The following PRKCE variants were observed in gnomAD, a reference collection of about 807,000 sequenced individuals.
PRKCE encodes protein kinase C epsilon.
PRKCE carries 16 observed loss-of-function variants against 85.4 expected under a neutral mutation model. That is an observed-to-expected ratio of 0.19 (90% CI 0.13 to 0.28). The LOEUF (loss-of-function observed/expected upper bound fraction) is 0.28, where lower values mean the gene tolerates loss of function less well. PRKCE is among the 10% of genes least tolerant of loss of function. The pLI is 1.00. For synonymous variants in PRKCE, 388 were observed against 371.5 expected (o/e 1.04, Z -0.51); for missense variants, 573 against 975.2 (o/e 0.59, Z 5.49).
At chr2:45,994,545 T>C (rs1704068127) in intron 6 of PRKCE, among the ~76,000 whole-genome samples, 1 of 152,238 alleles carries the variant, frequency 6.6e-6, no homozygotes, top group African/African-American at 2.4e-5. Flanking sequence ...ATACAGGGGA[T>C]AGCCTTTTGA....
At chr2:45,659,334 A>G (rs1675527197) in intron 1 of PRKCE, among the ~76,000 whole-genome samples, 1 of 152,166 alleles carries the variant, frequency 6.6e-6, no homozygotes, top group South Asian at 2.1e-4. Flanking sequence ...CTTATCCATC[A>G]GCAACATCTG....
At chr2:46,100,856 TTTCTCTTCTCTTCTC>T (rs146774630) in intron 11 of PRKCE, among the ~76,000 whole-genome samples, 1 of 151,382 alleles carries the variant, frequency 6.6e-6, no homozygotes, top group Non-Finnish European at 1.5e-5. Flanking sequence ...CCTTTTCTTT[TTTCTCTTCTCTTCTC>T]TTCTCTTCTC....
chr2:45,976,282 A>T (rs1359299701), intron 2 of PRKCE, 147 bp from the exon 3 acceptor site: 6 of 874,850 alleles, frequency 6.9e-6, no homozygotes, highest in Non-Finnish European at 1.1e-5. Context: ...GACTCCTCAG[A>T]CCCCCGAGTC....
intron 2 of PRKCE, among the ~76,000 whole-genome samples, chr2:45,918,848 A>G (rs1698031933): frequency 6.6e-6 from 1 of 152,236 alleles, no homozygotes. Flanking sequence ...CAGAAGCCCA[A>G]AGGACAGGCC....
intron 1 of PRKCE, among the ~76,000 whole-genome samples, chr2:45,662,275 G>C (rs11679963): frequency 6.6e-6 from 1 of 152,042 alleles, no homozygotes; most frequent in Non-Finnish European, 1.5e-5. Context: ...AGAACTGGTC[G>C]TTGCTCTCAG....
intron 2 of PRKCE, among the ~76,000 whole-genome samples, chr2:45,913,866 T>C (rs1161447510): frequency 2.6e-5 from 4 of 152,232 alleles, no homozygotes; most frequent in Non-Finnish European, 5.9e-5. Context: ...ACGATGATTC[T>C]AGGACTTCCC....
chr2:45,843,087 C>T (rs768341078), intron 2 of PRKCE, 24 bp downstream of exon 2: 1 of 1,608,928 alleles, frequency 6.2e-7, no homozygotes, highest in Admixed American at 1.7e-5. Flanking sequence ...ACTTCTCATC[C>T]CTGTTTTCTT....
intron 10 of PRKCE, among the ~76,000 whole-genome samples, chr2:46,015,946 C>T (rs1402589429): frequency 6.6e-6 from 1 of 152,140 alleles, no homozygotes; most frequent in Non-Finnish European, 1.5e-5. Context: ...GTTTGTGGGT[C>T]AGGCAGCCAC....
At chr2:46,117,673 G>T (rs920372162) in intron 11 of PRKCE, among the ~76,000 whole-genome samples, 1 of 152,198 alleles carries the variant, frequency 6.6e-6, no homozygotes. Flanking sequence ...TCACTTAAAA[G>T]CTGGGATAGT....
chr2:46,019,430 A>G (rs1294876209), intron 10 of PRKCE, among the ~76,000 whole-genome samples: 1 of 152,182 alleles, frequency 6.6e-6, no homozygotes, highest in Non-Finnish European at 1.5e-5. Flanking sequence ...GAGAGGTTCC[A>G]CCCACCCATA....
chr2:45,713,726 T>C lies in PRKCE; in HGVS notation c.348+61278T>C, dbSNP rs562444708. Among the ~76,000 whole-genome samples, 10 of 152,306 alleles carry C rather than the reference T, an allele frequency of 6.6e-5. No homozygotes were observed. The East Asian group carries it at 7.7e-4, about 12-fold the overall frequency. On this transcript the variant is annotated intron_variant, in intron 1 of 14. Coordinates refer to ENST00000306156, the MANE Select transcript of PRKCE (RefSeq NM_005400.3). ...AAGATGTGGTATTAGTTTCCACTCA[T>C]GGTAAATGAGAAGTGAAGATAAAAC...
At chr2:46,097,055 T>C (rs1365944474) in intron 11 of PRKCE, among the ~76,000 whole-genome samples, 4 of 152,138 alleles carry the variant, frequency 2.6e-5, no homozygotes, top group Admixed American at 6.5e-5. Context: ...GGTTGGTGGA[T>C]ATGTGAGTCT....
intron 10 of PRKCE, among the ~76,000 whole-genome samples, chr2:46,031,890 C>T (rs1707548624): frequency 1.3e-5 from 2 of 152,134 alleles, no homozygotes; most frequent in South Asian, 2.1e-4. Flanking sequence ...GGAGAGAATG[C>T]GAACTTATTT....
chr2:45,972,556 T>C (rs769805636), intron 2 of PRKCE, among the ~76,000 whole-genome samples: 4 of 152,222 alleles, frequency 2.6e-5, no homozygotes, highest in Non-Finnish European at 5.9e-5. Flanking sequence ...GTCAAGAAAG[T>C]TTTCCCCTAT....
At chr2:45,900,882 A>G (rs1186456412) in intron 2 of PRKCE, among the ~76,000 whole-genome samples, 2 of 152,240 alleles carry the variant, frequency 1.3e-5, no homozygotes, top group African/African-American at 4.8e-5. Context: ...GCCTGACTGC[A>G]AGGAGAACTA....
chr2:46,182,410 C>A (rs567443129), intron 14 of PRKCE, among the ~76,000 whole-genome samples: 3 of 152,160 alleles, frequency 2.0e-5, no homozygotes, highest in Non-Finnish European at 4.4e-5. Context: ...TCTGTACACA[C>A]TGGAGAGGGA....
intron 1 of PRKCE, among the ~76,000 whole-genome samples, chr2:45,754,042 G>A (rs1219598296): frequency 6.6e-6 from 1 of 152,194 alleles, no homozygotes; most frequent in Non-Finnish European, 1.5e-5. Context: ...CATTGCCTTT[G>A]ATTGCTAGCT....
intron 2 of PRKCE, among the ~76,000 whole-genome samples, chr2:45,852,705 A>T (rs1246881593): frequency 6.6e-6 from 1 of 152,192 alleles, no homozygotes; most frequent in Non-Finnish European, 1.5e-5. Context: ...GGCACCTGGA[A>T]GGGGGAAGTG....
intron 1 of PRKCE, among the ~76,000 whole-genome samples, chr2:45,779,390 G>A (rs763765548): frequency 6.6e-6 from 1 of 152,096 alleles, no homozygotes; most frequent in African/African-American, 2.4e-5. Context: ...CAGAGGCGGC[G>A]CTAGTGCTAG....
Sources: allele counts gnomAD v4.1 joint callset (sites outside exome capture counted in the v4.1 genomes callset), GRCh38; gene constraint gnomAD v4.1.1; transcripts MANE v1.5; gene names NCBI Gene and HGNC (gene_info 2026-07-23, HGNC 2026-07-21).